RASA1: variants seen among roughly 807,000 people sequenced by gnomAD.
RASA1 encodes RAS p21 protein activator 1, also known as ras GTPase-activating protein 1.
RASA1 carries 25 observed loss-of-function variants against 132.2 expected under a neutral mutation model. That is an observed-to-expected ratio of 0.19 (90% CI 0.14 to 0.26). The LOEUF (loss-of-function observed/expected upper bound fraction) is 0.26. Ranked by LOEUF, RASA1 falls within the 10% of genes least tolerant of loss-of-function variation. The pLI is 1.00. For missense variants in RASA1, 964 were observed against 1,299.2 expected, an observed-to-expected ratio of 0.74 and a Z score of 3.97; for synonymous variants, 477 against 449.9, an observed-to-expected ratio of 1.06 and a Z score of -0.76.
chr5:87,356,067 C>T lies in RASA1; in HGVS notation c.1332+2832C>T, dbSNP rs573184315. 1.2e-4 allele frequency among the ~76,000 whole-genome samples: 18 copies of T among 152,214 alleles called. No homozygotes were observed. The South Asian group carries it at 1.2e-3, about 11-fold the overall frequency. ...TCTACTCCTGTGAAGATCCTGTGAT[C>T]GCTACTGAAATGAAAACAAATAATT... On this transcript the variant is annotated intron_variant, in intron 9 of 24. Transcript: ENST00000274376.
In RASA1 at chr5:87,387,029, T is replaced by C. The variant is rs1249300293; in HGVS notation, c.2925+126T>C. ...ACTAAAAAGACAAAAAGCCTGCAAA[T>C]TTTTGTCTGCCTTCCTAAACAAAAA... On this transcript the variant is annotated intron_variant, in intron 23 of 24. Coordinates refer to ENST00000274376, the MANE Select transcript of RASA1 (RefSeq NM_002890.3). The C allele has an allele frequency of 4.7e-6, 4 of 855,408 alleles. No homozygotes were observed. The East Asian group carries it at 1.1e-4, about 23-fold the overall frequency. 53.0% of individuals were successfully genotyped at this position (855,408 alleles called of 1,614,324 possible). A position where few individuals can be genotyped will look rare whatever the true frequency, so the allele number is the denominator to read the frequency against.
chr5:87,330,887 G>A, intron 1 of RASA1: 1 of 1,154,928 alleles, frequency 8.7e-7, no homozygotes, highest in Non-Finnish European at 1.1e-6. Flanking sequence ...CTGTTTTCCT[G>A]TCGCAGGGCA....
chr5:87,307,278 T>G (rs903568300), intron 1 of RASA1, among the ~76,000 whole-genome samples: 1 of 152,208 alleles, frequency 6.6e-6, no homozygotes, highest in South Asian at 2.1e-4. Context: ...GTATTTTCTG[T>G]CCTTGTTTTC....
At chr5:87,318,265 CTG>C (rs1334650452) in intron 1 of RASA1, among the ~76,000 whole-genome samples, 1 of 151,906 alleles carries the variant, frequency 6.6e-6, no homozygotes, top group Non-Finnish European at 1.5e-5. Context: ...AAAATTTGGC[CTG>C]TTAGAGGAGG....
chr5:87,287,497 CACCATATATAT>C (rs1450930900), intron 1 of RASA1, among the ~76,000 whole-genome samples: 6 of 141,142 alleles, frequency 4.3e-5, no homozygotes, highest in African/African-American at 1.4e-4. Context: ...CATATATATA[CACCATATATAT>C]ACCCACCATA....
intron 16 of RASA1, 73 bp from the exon 17 acceptor site, chr5:87,376,808 A>T: frequency 1.4e-6 from 2 of 1,440,404 alleles, no homozygotes; most frequent in Non-Finnish European, 1.9e-6. Context: ...GAAAGAACAT[A>T]TTTCTTGTTA....
intron 14 of RASA1, 40 bp downstream of exon 14, chr5:87,374,360 A>T: frequency 6.4e-7 from 1 of 1,558,428 alleles, no homozygotes; most frequent in Non-Finnish European, 8.8e-7. Context: ...ATTTTCTTTT[A>T]CCATATTGCA....
At position 87,391,749 on chromosome 5, in the gene RASA1, G is replaced by A. The variant is rs1415942522; in HGVS notation, c.*866G>A. On this transcript the variant is annotated 3_prime_UTR_variant, in exon 25 of 25. Coordinates refer to ENST00000274376, the MANE Select transcript of RASA1 (RefSeq NM_002890.3). ...TTATTTGTGCTACCCCTTTGATTAT[G>A]CAGACAACCTCATCAGCTGCCTAAC... The A allele has an allele frequency of 8.6e-6, 2 of 232,178 alleles. No individual in the cohort carries two copies. Among genetic ancestry groups the A allele is most frequent in the East Asian group, 6.1e-5 (1 of 16,272 alleles). The allele number at this position is 232,178 out of a possible 1,614,324, so 14.4% of individuals were successfully genotyped here. A position where few individuals can be genotyped will look rare whatever the true frequency, so the allele number is the denominator to read the frequency against.
intron 8 of RASA1, among the ~76,000 whole-genome samples, chr5:87,352,820 T>C (rs2112430765): frequency 6.6e-6 from 1 of 152,020 alleles, no homozygotes; most frequent in Admixed American, 6.6e-5. Flanking sequence ...GTATCTCATA[T>C]ATACTCTTGG....
At chr5:87,287,683 C>T (rs1465703204) in intron 1 of RASA1, among the ~76,000 whole-genome samples, 2 of 145,034 alleles carry the variant, frequency 1.4e-5, no homozygotes, top group South Asian at 2.2e-4. Flanking sequence ...TATATGTACA[C>T]GCCATAGATA....
At chr5:87,349,986 C>T (rs2112423298) in intron 8 of RASA1, among the ~76,000 whole-genome samples, 1 of 151,880 alleles carries the variant, frequency 6.6e-6, no homozygotes, top group South Asian at 2.1e-4. Context: ...AAAGGTTTTC[C>T]TATAACTAAT....
At chr5:87,369,299 A>G (rs945583322) in intron 11 of RASA1, among the ~76,000 whole-genome samples, 3 of 152,208 alleles carry the variant, frequency 2.0e-5, no homozygotes, top group Admixed American at 6.5e-5. Flanking sequence ...CATTTGTTGT[A>G]CACAACTGTT....
chr5:87,336,514 A>G (rs1757982414), intron 4 of RASA1, among the ~76,000 whole-genome samples: 2 of 152,130 alleles, frequency 1.3e-5, no homozygotes, highest in Admixed American at 1.3e-4. Flanking sequence ...TGATTTAATA[A>G]AGCACTTTAG....
intron 7 of RASA1, 73 bp downstream of exon 7, chr5:87,346,797 G>A: frequency 8.3e-7 from 1 of 1,210,044 alleles, no homozygotes. Context: ...CATTTATCAT[G>A]TGTTTTGCCT....
chr5:87,340,637 G>C (rs1758364860), intron 5 of RASA1, among the ~76,000 whole-genome samples: 1 of 152,056 alleles, frequency 6.6e-6, no homozygotes, highest in Non-Finnish European at 1.5e-5. Context: ...GTAAAAGGGG[G>C]ATGTCTTTTA....
At chr5:87,338,534 A>ATATATATATATATATATATATATAT (rs1561292504) in intron 5 of RASA1, among the ~76,000 whole-genome samples, 2 of 46,096 alleles carry the variant, frequency 4.3e-5, no homozygotes, top group Admixed American at 2.0e-4. Context: ...TATATATATA[A>ATATATATATATATATATATATATAT]AATTTTTTTT....
intron 1 of RASA1, among the ~76,000 whole-genome samples, chr5:87,325,136 C>T (rs1757135204): frequency 6.6e-6 from 1 of 152,038 alleles, no homozygotes. Context: ...TGTCCTTCTT[C>T]ACATGGTGTC....
In RASA1 at chr5:87,359,898, C is replaced by G. The variant is rs539976270; in HGVS notation, c.1333-2653C>G. Among the ~76,000 whole-genome samples the G allele has an allele frequency of 1.4e-3, 214 of 152,172 alleles. 1 individual carries two copies. Among genetic ancestry groups the G allele is most frequent in the Non-Finnish European group, 1.9e-3 (128 of 68,030 alleles). On this transcript the variant is annotated intron_variant, in intron 9 of 24. Coordinates refer to ENST00000274376, the MANE Select transcript of RASA1 (RefSeq NM_002890.3). Reference sequence around the variant, plus strand: ...GGTTTACGTACCTGAAATGGACAGTCTTTTCAATGCAACTAACAGTTCTTC... The same window carrying G: ...GGTTTACGTACCTGAAATGGACAGTGTTTTCAATGCAACTAACAGTTCTTC...
At position 87,377,689 on chromosome 5, in the gene RASA1, A is replaced by C. The variant is rs188357979; in HGVS notation, c.2344+649A>C. 7.1e-4 allele frequency among the ~76,000 whole-genome samples: 108 copies of C among 152,194 alleles called. 1 individual carries two copies. The highest frequency in any genetic ancestry group is 2.5e-3 in the African/African-American group (102 of 41,526). On this transcript the variant is annotated intron_variant, in intron 17 of 24. Coordinates refer to ENST00000274376, the MANE Select transcript of RASA1 (RefSeq NM_002890.3). Reference sequence around the variant, plus strand: ...TGCATTTTATTTCTAACTTTTATAGATAGGTAGTTCCCAAGCTGCTGGACA... The same window carrying C: ...TGCATTTTATTTCTAACTTTTATAGCTAGGTAGTTCCCAAGCTGCTGGACA...
Sources: allele counts gnomAD v4.1 joint callset (sites outside exome capture counted in the v4.1 genomes callset), GRCh38; gene constraint gnomAD v4.1.1; transcripts MANE v1.5; gene names NCBI Gene and HGNC (gene_info 2026-07-23, HGNC 2026-07-21).